RFX8: variants seen among roughly 807,000 people sequenced by gnomAD.
The protein encoded by RFX8 is DNA-binding protein RFX8.
Under a neutral mutation model 54.6 loss-of-function variants are expected in RFX8, and 46 were observed. The ratio of observed to expected loss-of-function variants is 0.84; its 90% CI spans 0.67 to 1.08. RFX8 has a LOEUF of 1.08. RFX8 is among the 50% of genes least tolerant of loss of function. RFX8 has a pLI of 0.00. For synonymous variants in RFX8, 192 were observed against 209.5 expected, an observed-to-expected ratio of 0.92 and a Z score of 0.72; for missense variants, 536 against 562.3, an observed-to-expected ratio of 0.95 and a Z score of 0.47.
At chr2:101,425,798 G>A (rs575357134) in intron 2 of RFX8, among the ~76,000 whole-genome samples, 3 of 152,236 alleles carry the variant, frequency 2.0e-5, no homozygotes, top group East Asian at 1.9e-4. Context: ...TAAAAGTAGC[G>A]TACAGAGCCA....
At position 101,469,081 on chromosome 2, in the gene RFX8, T is replaced by TATATATAC. The variant is rs1558896774; in HGVS notation, c.-52-2182_-52-2181insGTATATAT. 6.6e-4 allele frequency among the ~76,000 whole-genome samples: 7 copies of TATATATAC among 10,676 alleles called. 1 individual carries two copies. The highest frequency in any genetic ancestry group is 3.2e-3 in the African/African-American group (7 of 2,218). The allele number at this position is 10,676 out of a possible 152,430, so 7.0% of individuals were successfully genotyped here. A position where few individuals can be genotyped will look rare whatever the true frequency, so the allele number is the denominator to read the frequency against. Reference sequence around the variant, plus strand: ...GTATATATATGTATATATATATAAGTGTATATATATAAGTATATATATATA... The same window carrying TATATATAC: ...GTATATATATGTATATATATATAAGTATATATACGTATATATATAAGTATATATATATA... On this transcript the variant is annotated intron_variant, in intron 1 of 11. Coordinates refer to ENST00000428343, the MANE Select transcript of RFX8 (RefSeq NM_001145664.2).
intron 2 of RFX8, among the ~76,000 whole-genome samples, chr2:101,439,596 C>CTTTTTTTTTTTTTT (rs139433618): frequency 7.0e-6 from 1 of 143,604 alleles, no homozygotes; most frequent in Non-Finnish European, 1.5e-5. Flanking sequence ...GATTGAAGTT[C>CTTTTTTTTTTTTTT]ATTTTTTTTT....
chr2:101,420,458 C>T (rs1223102930), intron 4 of RFX8, among the ~76,000 whole-genome samples: 1 of 151,972 alleles, frequency 6.6e-6, no homozygotes, highest in Non-Finnish European at 1.5e-5. Context: ...GCAGGAGAAT[C>T]GCTTGAACTC....
chr2:101,401,533 A>G (rs905287397), intron 11 of RFX8, among the ~76,000 whole-genome samples: 4 of 152,148 alleles, frequency 2.6e-5, no homozygotes, highest in Non-Finnish European at 5.9e-5. Context: ...GAGAGGGGGA[A>G]CTTGTGGGCA....
Position 101,417,536 on chromosome 2 carries a change from T to C in RFX8, c.500A>G (p.Lys167Arg). 6.5e-7 allele frequency: 1 copy of C among 1,547,290 alleles called. No homozygotes were observed. The highest frequency in any genetic ancestry group is 1.2e-5 in the South Asian group (1 of 82,912). Residue 167 changes from lysine to arginine, a missense_variant and splice_region_variant, in exon 6 of 12, where the codon AAA (lysine) becomes AGA (arginine). Transcript: ENST00000428343. The part of the protein sequence containing the change: ...VPALLQISKL[K>R]EVTLFVKRLR... ...TTATTTTTTTCATCGAAACCTACCT[T>C]TGAGTTTGGAGATCTGCAAGAGGGC...
In RFX8 at chr2:101,405,981, A is replaced by G. The variant is rs1368548428; in HGVS notation, c.890T>C (p.Val297Ala). 1 of 1,548,884 alleles carries G rather than the reference A, an allele frequency of 6.5e-7. No individual in the cohort carries two copies. Among genetic ancestry groups the G allele is most frequent in the Non-Finnish European group, 8.7e-7 (1 of 1,145,716 alleles). The change falls in exon 10 of 12, where the codon GTA becomes GCA. Residue 297 changes from valine to alanine, a missense_variant. Coordinates refer to ENST00000428343, the MANE Select transcript of RFX8 (RefSeq NM_001145664.2). ...GTGGCAGAGGGTCATGGCTTTGCTT[A>G]CAGCAGTGAGAAGAAGATTCCATCT... ...QLRWNLLLTA[V>A]SKAMTLCHRD...
At chr2:101,452,845 G>A (rs1046365376) in intron 2 of RFX8, among the ~76,000 whole-genome samples, 1 of 152,002 alleles carries the variant, frequency 6.6e-6, no homozygotes, top group Non-Finnish European at 1.5e-5. Flanking sequence ...GGTGGCTCAC[G>A]CCTGTAATCC....
chr2:101,403,315 A>G (rs1573344567), intron 10 of RFX8, among the ~76,000 whole-genome samples: 1 of 152,304 alleles, frequency 6.6e-6, no homozygotes, highest in Non-Finnish European at 1.5e-5. Flanking sequence ...CTGTCATCAG[A>G]GACAGGAGGG....
chr2:101,400,040 G>T (rs1225898688), intron 11 of RFX8, among the ~76,000 whole-genome samples: 4 of 152,256 alleles, frequency 2.6e-5, no homozygotes, highest in South Asian at 2.1e-4. Context: ...AGTTATGCCA[G>T]CTGTAAAATG....
At chr2:101,428,329 T>C (rs1391838085) in intron 2 of RFX8, among the ~76,000 whole-genome samples, 1 of 152,144 alleles carries the variant, frequency 6.6e-6, no homozygotes, top group Non-Finnish European at 1.5e-5. Flanking sequence ...GTCACGAAAG[T>C]GGAGCTCTCA....
At chr2:101,453,621 C>T (rs1386425209) in intron 2 of RFX8, among the ~76,000 whole-genome samples, 1 of 152,080 alleles carries the variant, frequency 6.6e-6, no homozygotes, top group African/African-American at 2.4e-5. Context: ...TAATTTCTTC[C>T]AGTCTTTTTT....
chr2:101,473,491 A>G (rs1049955520), intron 1 of RFX8, among the ~76,000 whole-genome samples: 4 of 152,336 alleles, frequency 2.6e-5, no homozygotes, highest in African/African-American at 9.6e-5. Flanking sequence ...TGCCAGGGTT[A>G]TAATCACAAA....
chr2:101,419,658 C>G (rs1026778648), intron 4 of RFX8, among the ~76,000 whole-genome samples: 1 of 152,216 alleles, frequency 6.6e-6, no homozygotes, highest in Non-Finnish European at 1.5e-5. Flanking sequence ...CTTGTCGTAT[C>G]TCCCCTGGTC....
At chr2:101,444,618 G>A (rs1573444773) in intron 2 of RFX8, among the ~76,000 whole-genome samples, 1 of 152,212 alleles carries the variant, frequency 6.6e-6, no homozygotes, top group African/African-American at 2.4e-5. Flanking sequence ...AAATAATTGT[G>A]AATTCTCTTG....
chr2:101,433,334 A>T (rs1166232245), intron 2 of RFX8, among the ~76,000 whole-genome samples: 1 of 152,062 alleles, frequency 6.6e-6, no homozygotes, highest in Non-Finnish European at 1.5e-5. Flanking sequence ...ATGCAGGGAC[A>T]ATGGAGGAGG....
intron 2 of RFX8, among the ~76,000 whole-genome samples, chr2:101,466,463 C>A (rs937122747): frequency 6.6e-6 from 1 of 152,172 alleles, no homozygotes; most frequent in African/African-American, 2.4e-5. Flanking sequence ...GAGCTTGGCA[C>A]TTCTATGCAG....
intron 2 of RFX8, among the ~76,000 whole-genome samples, chr2:101,442,959 C>G (rs1688176279): frequency 6.6e-6 from 1 of 152,174 alleles, no homozygotes; most frequent in Non-Finnish European, 1.5e-5. Context: ...GGCAGATCGG[C>G]TCACACCCTC....
chr2:101,456,815 G>A (rs1688995281), intron 2 of RFX8, among the ~76,000 whole-genome samples: 1 of 152,168 alleles, frequency 6.6e-6, no homozygotes, highest in African/African-American at 2.4e-5. Context: ...ACCTCTGGTA[G>A]AATTTGGCTG....
At chr2:101,463,415 A>G (rs947948124) in intron 2 of RFX8, among the ~76,000 whole-genome samples, 1 of 152,150 alleles carries the variant, frequency 6.6e-6, no homozygotes, top group African/African-American at 2.4e-5. Flanking sequence ...GGGCTCTGGC[A>G]GGAGAGTGGA....
Sources: allele counts gnomAD v4.1 joint callset (sites outside exome capture counted in the v4.1 genomes callset), GRCh38; gene constraint gnomAD v4.1.1; transcripts MANE v1.5; gene names NCBI Gene and HGNC (gene_info 2026-07-23, HGNC 2026-07-21).